Variants in TINAG observed in about 807,000 individuals in gnomAD.
The protein encoded by TINAG is tubulointerstitial nephritis antigen.
In TINAG, 83 loss-of-function variants were observed where a neutral mutation model predicts 72.7. The observed-to-expected ratio is 1.14, with a 90% CI of 0.96 to 1.37. The LOEUF (loss-of-function observed/expected upper bound fraction) is 1.37. TINAG is among the 40% of genes most tolerant of loss of function. TINAG has a pLI of 0.00. For synonymous variants in TINAG, 234 were observed against 189.9 expected (o/e 1.23, Z -1.91); for missense variants, 685 against 576.6 (o/e 1.19, Z -1.93).
chr6:54,378,997 T>A (rs376316131), intron 9 of TINAG, among the ~76,000 whole-genome samples: 1 of 152,144 alleles, frequency 6.6e-6, no homozygotes, highest in East Asian at 1.9e-4. Context: ...TGTGGTGCCA[T>A]CATTCTATTC....
At chr6:54,350,813 G>A (rs1785248165) in intron 7 of TINAG, among the ~76,000 whole-genome samples, 1 of 151,472 alleles carries the variant, frequency 6.6e-6, no homozygotes, top group Admixed American at 6.6e-5. Context: ...AATGAAATTA[G>A]TAGTGTCATT....
intron 4 of TINAG, among the ~76,000 whole-genome samples, chr6:54,333,642 A>T (rs1189490892): frequency 1.3e-5 from 2 of 152,122 alleles, no homozygotes; most frequent in Non-Finnish European, 2.9e-5. Flanking sequence ...AAAATAAAAT[A>T]AAATTGATAA....
chr6:54,367,396 C>T (rs767971796), intron 9 of TINAG, among the ~76,000 whole-genome samples: 5 of 151,584 alleles, frequency 3.3e-5, no homozygotes, highest in Admixed American at 1.3e-4. Context: ...AGATGAGCTC[C>T]GGGAAATACA....
chr6:54,368,044 A>G (rs1450082276), intron 9 of TINAG, among the ~76,000 whole-genome samples: 1 of 151,630 alleles, frequency 6.6e-6, no homozygotes, highest in African/African-American at 2.4e-5. Flanking sequence ...TAAGATTTCA[A>G]CATAGGAATT....
intron 4 of TINAG, chr6:54,327,333 C>A: frequency 3.1e-6 from 2 of 638,406 alleles, no homozygotes; most frequent in Non-Finnish European, 4.5e-6. Flanking sequence ...GTCACCTCAC[C>A]CAGGAAGAGC....
intron 9 of TINAG, among the ~76,000 whole-genome samples, chr6:54,355,091 AT>A (rs1250320207): frequency 2.0e-5 from 3 of 151,920 alleles, no homozygotes; most frequent in African/African-American, 7.2e-5. Flanking sequence ...AGATTGATCA[AT>A]TTTTAAGTAA....
chr6:54,351,133 T>C (rs1785255721), intron 7 of TINAG, among the ~76,000 whole-genome samples: 1 of 152,058 alleles, frequency 6.6e-6, no homozygotes, highest in Non-Finnish European at 1.5e-5. Flanking sequence ...AAGGCTATTG[T>C]ATTTTGTCTC....
chr6:54,344,839 T>C (rs1215075213), intron 5 of TINAG, among the ~76,000 whole-genome samples: 1 of 152,084 alleles, frequency 6.6e-6, no homozygotes, highest in African/African-American at 2.4e-5. Flanking sequence ...TTCAGTATGA[T>C]AAATTAGGGC....
At chr6:54,338,286 T>G (rs530133390) in intron 4 of TINAG, among the ~76,000 whole-genome samples, 4 of 152,234 alleles carry the variant, frequency 2.6e-5, no homozygotes, top group African/African-American at 9.6e-5. Context: ...ATGTAAAAAT[T>G]TATTATTTTC....
chr6:54,351,438 T>C, intron 8 of TINAG, 41 bp downstream of exon 8: 1 of 1,579,850 alleles, frequency 6.3e-7, no homozygotes, highest in Non-Finnish European at 8.7e-7. Flanking sequence ...ACTCATTCCT[T>C]TAATAAACAA....
chr6:54,343,226 G>T lies in TINAG; in HGVS notation c.625G>T (p.Ala209Ser), dbSNP rs200699663. The T allele has an allele frequency of 2.6e-6, 4 of 1,549,112 alleles. No homozygotes were observed. Among genetic ancestry groups the T allele is most frequent in the African/African-American group, 2.8e-5 (2 of 72,528 alleles). ...ATATGTACCTCTTCTTCCTCTTTAG[G>T]CTTCTTTACCTGCAACAACTGATCT... ...PMLLSMNEMT[A>S]SLPATTDLPE... Residue 209 changes from alanine (A) to serine (S), a missense_variant and splice_region_variant, in exon 5 of 11, where the codon GCT becomes TCT. Ala to Ser is a moderately conservative substitution (Grantham distance 99). Transcript: ENST00000259782.
intron 4 of TINAG, among the ~76,000 whole-genome samples, chr6:54,336,857 T>C (rs1329242999): frequency 6.6e-6 from 1 of 152,074 alleles, no homozygotes; most frequent in Non-Finnish European, 1.5e-5. Context: ...GTAAGTAAAA[T>C]AATCTAAAAT....
chr6:54,308,487 A>G lies in TINAG; in HGVS notation c.-64A>G, dbSNP rs1784160687. 2.8e-5 allele frequency: 39 copies of G among 1,393,112 alleles called. No individual in the cohort carries two copies. Among genetic ancestry groups the G allele is most frequent in the Non-Finnish European group, 3.7e-5 (38 of 1,024,136 alleles). The allele number at this position is 1,393,112 out of a possible 1,614,324, so 86.3% of individuals were successfully genotyped here. On this transcript the variant is annotated 5_prime_UTR_variant, in exon 1 of 11. Transcript: ENST00000259782. ...TGACTAGAATTCAGGTTCCAAGGAGAAGCCCACAAGGCTAAGGGTATTGGA... is the reference window on the plus strand; with the variant it reads ...TGACTAGAATTCAGGTTCCAAGGAGGAGCCCACAAGGCTAAGGGTATTGGA...
intron 9 of TINAG, among the ~76,000 whole-genome samples, chr6:54,357,724 A>G (rs550013860): frequency 6.6e-6 from 1 of 152,016 alleles, no homozygotes; most frequent in South Asian, 2.1e-4. Context: ...ACCCTTGCCT[A>G]AGCCACCATT....
chr6:54,340,042 CT>C (rs1784960101), intron 4 of TINAG, among the ~76,000 whole-genome samples: 1 of 152,114 alleles, frequency 6.6e-6, no homozygotes, highest in South Asian at 2.1e-4. Flanking sequence ...TTCCACCACT[CT>C]TTTAGAGATT....
chr6:54,388,390 G>C (rs1353509079), intron 10 of TINAG, among the ~76,000 whole-genome samples: 1 of 152,070 alleles, frequency 6.6e-6, no homozygotes, highest in Non-Finnish European at 1.5e-5. Flanking sequence ...GTTGATTAAG[G>C]AGGCAAACAG....
chr6:54,328,004 C>T (rs1046945923), intron 4 of TINAG, among the ~76,000 whole-genome samples: 25 of 152,152 alleles, frequency 1.6e-4, no homozygotes, highest in African/African-American at 4.6e-4. Flanking sequence ...CTCCCTGAGA[C>T]GGAGCACCTA....
At chr6:54,317,213 C>T (rs187241840) in intron 1 of TINAG, among the ~76,000 whole-genome samples, 1 of 152,014 alleles carries the variant, frequency 6.6e-6, no homozygotes, top group Admixed American at 6.6e-5. Flanking sequence ...TCAATACCTC[C>T]ATCTCTACCA....
intron 1 of TINAG, among the ~76,000 whole-genome samples, chr6:54,309,638 T>C (rs930389394): frequency 1.3e-5 from 2 of 152,202 alleles, no homozygotes; most frequent in Non-Finnish European, 2.9e-5. Context: ...ATTTTGAGCA[T>C]AGATGAGGCT....
Sources: allele counts gnomAD v4.1 joint callset (sites outside exome capture counted in the v4.1 genomes callset), GRCh38; gene constraint gnomAD v4.1.1; transcripts MANE v1.5; gene names NCBI Gene and HGNC (gene_info 2026-07-23, HGNC 2026-07-21).